Variants in GABRE observed in about 807,000 individuals in gnomAD.
GABRE encodes gamma-aminobutyric acid receptor subunit epsilon.
A neutral mutation model predicts 31.0 loss-of-function variants in GABRE; 20 were observed. That is an observed-to-expected ratio of 0.64 (90% confidence interval 0.45 to 0.94). The LOEUF (loss-of-function observed/expected upper bound fraction) is 0.94. Ranked by LOEUF, GABRE falls within the 40% of genes least tolerant of loss-of-function variation. GABRE has a pLI of 0.00. For synonymous variants in GABRE, 155 were observed against 150.6 expected, an observed-to-expected ratio of 1.03 and a Z score of -0.21; for missense variants, 420 against 410.7, an observed-to-expected ratio of 1.02 and a Z score of -0.20.
intron 6 of GABRE, chrX:151,958,496 T>C (rs1314821076): frequency 6.0e-6 from 2 of 333,463 alleles, no homozygotes; most frequent in Admixed American, 3.5e-5. Context: ...GAAGACCTCT[T>C]TTCTCCTCAA....
chrX:151,973,108 T>TG (rs1934768249), intron 1 of GABRE, among the ~76,000 whole-genome samples: 5 of 110,942 alleles, frequency 4.5e-5, no homozygotes, highest in African/African-American at 1.6e-4. Context: ...GGAAGGACTG[T>TG]GCCCCAAGTC....
chrX:151,959,789 A>G (rs1406740000), intron 6 of GABRE, 50 bp downstream of exon 6: 1 of 1,177,864 alleles, frequency 8.5e-7, no homozygotes, highest in South Asian at 1.9e-5. Flanking sequence ...GGCCATCTCC[A>G]ATCATCCCTA....
Position 151,953,184 on chromosome X carries a change from G to A in GABRE, c.*1517C>T, listed in dbSNP as rs982773583. The A allele has an allele frequency of 9.0e-6, 1 of 111,590 alleles. No individual in the cohort carries two copies. Among genetic ancestry groups the A allele is most frequent in the Non-Finnish European group, 1.9e-5 (1 of 53,138 alleles). The allele number at this position is 111,590 out of a possible 1,213,427, so 9.2% of individuals were successfully genotyped here. A position where few individuals can be genotyped will look rare whatever the true frequency, so the allele number is the denominator to read the frequency against. On this transcript the variant is annotated 3_prime_UTR_variant, in exon 9 of 9. Coordinates refer to ENST00000370328, the MANE Select transcript of GABRE (RefSeq NM_004961.4). ...TTTCAGATGATGGTGACAAAAAGTA[G>A]ATGGAGACCCCACCCTATCCACCCC...
rs763376461 is a variant in GABRE, at chrX:151,962,491, C to T, written c.495G>A (p.Glu165=). 2.6e-5 allele frequency: 31 copies of T among 1,209,174 alleles called. No homozygotes were observed. The Admixed American group carries it at 6.6e-4, about 26-fold the overall frequency. Residue 165 remains glutamate, a synonymous_variant, in exon 4 of 9, where the codon GAG becomes GAA. Coordinates refer to ENST00000370328, the MANE Select transcript of GABRE (RefSeq NM_004961.4). ...TFFRNSKRTH[E]HEITMPNQMV... Reference sequence around the variant, plus strand: ...TCTGGTTGGGCATGGTGATCTCATGCTCGTGGGTCCTCTTAGAATTCCTAA... The same window carrying T: ...TCTGGTTGGGCATGGTGATCTCATGTTCGTGGGTCCTCTTAGAATTCCTAA...
intron 3 of GABRE, among the ~76,000 whole-genome samples, chrX:151,964,141 T>C (rs144140362): frequency 6.1e-3 from 689 of 112,167 alleles, no homozygotes; most frequent in Admixed American, 0.011. Flanking sequence ...TGTAGAATTG[T>C]TTCCATTTAT....
At position 151,970,395 on chromosome X, in the gene GABRE, C is replaced by T; in HGVS notation, c.64G>A (p.Gly22Arg). 1 of 1,210,044 alleles carries T rather than the reference C, an allele frequency of 8.3e-7. No individual in the cohort carries two copies. Among genetic ancestry groups the T allele is most frequent in the South Asian group, 1.8e-5 (1 of 56,757 alleles). Residue 22 changes from glycine to arginine, a missense_variant, in exon 2 of 9, where the codon GGA becomes AGA. Physicochemically the swap from Gly to Arg is moderately radical, Grantham distance 125 (BLOSUM62 -2). Transcript: ENST00000370328. ...ILLILQSRVE[G>R]PQTESKNEAS... ...TCATTCTTTGATTCAGTCTGAGGTC[C>T]CTCGACCCTAGAACATTCAAACGAA... is the stretch of plus-strand genomic sequence containing the variant.
chrX:151,974,458 C>A, intron 1 of GABRE, 112 bp downstream of exon 1: 1 of 506,286 alleles, frequency 2.0e-6, no homozygotes, highest in Non-Finnish European at 3.1e-6. Flanking sequence ...CGGGGCAAAG[C>A]GGGCGCGGGG....
intron 6 of GABRE, chrX:151,958,382 C>G (rs1051048133): frequency 7.8e-6 from 2 of 257,383 alleles, no homozygotes; most frequent in Non-Finnish European, 1.4e-5. Flanking sequence ...ATGGAGAGAC[C>G]TGCCCCAGGG....
At position 151,970,398 on chromosome X, in the gene GABRE, C is replaced by T. The variant is rs368416869; in HGVS notation, c.61G>A (p.Glu21Lys). 165 of 1,208,316 alleles carry T rather than the reference C, an allele frequency of 1.4e-4. No individual in the cohort carries two copies. Among genetic ancestry groups the T allele is most frequent in the Non-Finnish European group, 1.8e-4 (159 of 894,929 alleles). Reference sequence around the variant, plus strand: ...TTCTTTGATTCAGTCTGAGGTCCCTCGACCCTAGAACATTCAAACGAAAAA... The same window carrying T: ...TTCTTTGATTCAGTCTGAGGTCCCTTGACCCTAGAACATTCAAACGAAAAA... ...GILLILQSRVEGPQTESKNEA... is the reference protein window; with the variant it reads ...GILLILQSRVKGPQTESKNEA... The change falls in exon 2 of 9, where the codon GAG (glutamate) becomes AAG (lysine). Residue 21 changes from glutamate (E) to lysine (K), a missense_variant. Glu to Lys is a moderately conservative substitution (Grantham distance 56, BLOSUM62 1). Coordinates refer to ENST00000370328, the MANE Select transcript of GABRE (RefSeq NM_004961.4).
At chrX:151,956,474 T>C (rs1410036823) in intron 6 of GABRE, 1 of 112,457 alleles carries the variant, frequency 8.9e-6, no homozygotes, top group African/African-American at 3.2e-5. Flanking sequence ...ATACAGACTA[T>C]CTGCACTCTG....
chrX:151,968,133 G>A (rs972375883), intron 3 of GABRE, among the ~76,000 whole-genome samples: 1 of 112,773 alleles, frequency 8.9e-6, no homozygotes, highest in Non-Finnish European at 1.9e-5. Flanking sequence ...CACATGGCAA[G>A]GATGGAGGGA....
intron 1 of GABRE, chrX:151,971,248 C>T (rs756556392): frequency 4.3e-5 from 15 of 348,287 alleles, no homozygotes; most frequent in South Asian, 1.9e-4. Flanking sequence ...TTCTTTACAC[C>T]GCTGTGGTCA....
chrX:151,969,945 TC>T, intron 2 of GABRE: 1 of 1,065,394 alleles, frequency 9.4e-7, no homozygotes, highest in Non-Finnish European at 1.2e-6. Flanking sequence ...AGATCAACAA[TC>T]TAGTTTAGTC....
At chrX:151,961,807 G>GAA (rs531152778) in intron 4 of GABRE, among the ~76,000 whole-genome samples, 39 of 108,060 alleles carry the variant, frequency 3.6e-4, no homozygotes, top group African/African-American at 3.8e-4. Flanking sequence ...TAACAAGAGA[G>GAA]AAAACAAAAC....
chrX:151,959,244 AG>A, intron 6 of GABRE: 1 of 248,459 alleles, frequency 4.0e-6, no homozygotes, highest in Non-Finnish European at 7.6e-6. Flanking sequence ...AGAAAAGGTC[AG>A]AAAACCAGTG....
chrX:151,958,426 A>G (rs191426311), intron 6 of GABRE: 16 of 287,199 alleles, frequency 5.6e-5, no homozygotes, highest in Admixed American at 4.8e-4. Flanking sequence ...AGTCCCAAAG[A>G]TAACTCTGAC....
chrX:151,957,421 C>A (rs1294644872), intron 6 of GABRE: 1 of 329,503 alleles, frequency 3.0e-6, no homozygotes, highest in South Asian at 2.6e-5. Context: ...GCTGCACGGA[C>A]CACCCTCGCA....
chrX:151,974,011 G>C (rs1934809970), intron 1 of GABRE, among the ~76,000 whole-genome samples: 2 of 111,076 alleles, frequency 1.8e-5, no homozygotes, highest in African/African-American at 6.6e-5. Flanking sequence ...CAGGAGCAGC[G>C]GCATGGGAAG....
chrX:151,961,679 C>T (rs1043189263), intron 4 of GABRE, among the ~76,000 whole-genome samples: 25 of 111,237 alleles, frequency 2.2e-4, no homozygotes, highest in Non-Finnish European at 3.2e-4. Context: ...AGGCTGGTCT[C>T]GAACTCCTGA....
Sources: gnomAD v4.1 joint callset for allele counts (sites outside exome capture counted in the v4.1 genomes callset) on GRCh38, gnomAD v4.1.1 for gene constraint, MANE v1.5 for transcripts, NCBI Gene and HGNC (gene_info 2026-07-23, HGNC 2026-07-21) for gene names.